PMPCA: variants seen among roughly 807,000 people sequenced by gnomAD.
PMPCA encodes the protein peptidase, mitochondrial processing subunit alpha, also known as mitochondrial-processing peptidase subunit alpha.
A neutral mutation model predicts 59.3 loss-of-function variants in PMPCA; 47 were observed. That is an observed-to-expected ratio of 0.79 (90% confidence interval 0.63 to 1.01). The LOEUF (loss-of-function observed/expected upper bound fraction) is 1.01, where lower values mean the gene tolerates loss of function less well. Ranked by LOEUF, PMPCA falls within the 50% of genes least tolerant of loss-of-function variation. PMPCA has a pLI of 0.00. For synonymous variants in PMPCA, 338 were observed against 290.3 expected (o/e 1.16, Z -1.67); for missense variants, 726 against 704.5 (o/e 1.03, Z -0.34).
At position 136,423,156 on chromosome 9, in the gene PMPCA, A is replaced by G. The variant is rs750869354; in HGVS notation, c.1470A>G (p.Ala490=). The G allele has an allele frequency of 1.2e-6, 2 of 1,613,818 alleles. No individual in the cohort carries two copies. Among genetic ancestry groups the G allele is most frequent in the East Asian group, 2.2e-5 (1 of 44,888 alleles). The change falls in exon 13 of 13, where the codon GCA becomes GCG. Residue 490 remains alanine, a synonymous_variant. Coordinates refer to ENST00000371717, the MANE Select transcript of PMPCA (RefSeq NM_015160.3). ...VASKMLRGKP[A]VAALGDLTDL... is the part of the protein sequence containing the mutation. ...CTAAGATGCTCCGAGGGAAGCCGGC[A>G]GTGGCCGCCCTGGGTGACCTGACTG...
At chr9:136,416,056 C>T (rs557495201) in intron 5 of PMPCA, 25 of 582,578 alleles carry the variant, frequency 4.3e-5, no homozygotes, top group African/African-American at 7.5e-5. Context: ...AGCAGGCTCA[C>T]GTGGCTGCTT....
At chr9:136,418,158 G>A in intron 8 of PMPCA, 49 bp downstream of exon 8, 2 of 1,338,132 alleles carry the variant, frequency 1.5e-6, no homozygotes, top group South Asian at 1.2e-5. Flanking sequence ...AGTGTGGCCG[G>A]CTCAGCCAGC....
At position 136,410,665 on chromosome 9, in the gene PMPCA, C is replaced by CA; in HGVS notation, c.-2dup. ...TGACGACTGAAGCGGGGCGGAGACG[C>CA]AAGATGGCGGCTGTGGTGCTGGCGG... On this transcript the variant is annotated 5_prime_UTR_variant, in exon 1 of 13. Transcript: ENST00000371717. 3 of 1,402,284 alleles carry CA rather than the reference C, an allele frequency of 2.1e-6. No homozygotes were observed. Among genetic ancestry groups the CA allele is most frequent in the Non-Finnish European group, 2.8e-6 (3 of 1,078,798 alleles). The allele number at this position is 1,402,284 out of a possible 1,614,324, so 86.9% of individuals were successfully genotyped here.
chr9:136,418,889 T>C lies in PMPCA; in HGVS notation c.1171T>C (p.Cys391Arg). Residue 391 changes from cysteine to arginine, a missense_variant, in exon 10 of 13, where the codon TGC (cysteine) becomes CGC (arginine). Coordinates refer to ENST00000371717, the MANE Select transcript of PMPCA (RefSeq NM_015160.3). Reference sequence around the variant, plus strand: ...CAGCTACGAGGACACTGGCCTCCTTTGCATCCATGCCAGCGCCGACCCAAG... The same window carrying C: ...CAGCTACGAGGACACTGGCCTCCTTCGCATCCATGCCAGCGCCGACCCAAG... ...HHSYEDTGLL[C>R]IHASADPRQV... is the part of the protein sequence containing the mutation. The C allele has an allele frequency of 1.2e-6, 2 of 1,613,816 alleles. No homozygotes were observed. The highest frequency in any genetic ancestry group is 1.1e-5 in the South Asian group (1 of 91,086).
intron 12 of PMPCA, chr9:136,422,427 C>G (rs1285736944): frequency 5.5e-6 from 6 of 1,082,006 alleles, no homozygotes; most frequent in Non-Finnish European, 6.8e-6. Flanking sequence ...TCTGAATTTC[C>G]TGAAACTGCC....
In PMPCA at chr9:136,416,606, C is replaced by T. The variant is rs1221375761; in HGVS notation, c.633+215C>T. 9.6e-6 allele frequency: 6 copies of T among 627,512 alleles called. No individual in the cohort carries two copies. In the East Asian group the frequency reaches 1.4e-4, roughly 14 times the overall value. 38.9% of individuals were successfully genotyped at this position (627,512 alleles called of 1,614,324 possible). On this transcript the variant is annotated intron_variant, in intron 6 of 12. Coordinates refer to ENST00000371717, the MANE Select transcript of PMPCA (RefSeq NM_015160.3). The stretch of plus-strand genomic sequence containing the variant: ...AGGTGATCCTCCTGCCTCTGCCTCC[C>T]AAGTAGCTGGGATTACAGGCGTGAG...
rs1291006624 is a variant in PMPCA, at chr9:136,420,343, A to AT, written c.1263+1242dup. 4 of 151,624 alleles carry AT rather than the reference A, an allele frequency of 2.6e-5. No homozygotes were observed. In the East Asian group the frequency reaches 5.8e-4, roughly 22 times the overall value. 9.4% of individuals were successfully genotyped at this position (151,624 alleles called of 1,614,324 possible). ...CCACCACACCTGGCTAATTTTTTGT[A>AT]TTTTTAGTAGAGATGGGGTTTCACC... is the stretch of plus-strand genomic sequence containing the variant. On this transcript the variant is annotated intron_variant, in intron 11 of 12. Transcript: ENST00000371717.
chr9:136,419,481 G>C (rs1254481959), intron 11 of PMPCA: 2 of 381,298 alleles, frequency 5.2e-6, no homozygotes, highest in Non-Finnish European at 9.9e-6. Flanking sequence ...GCCTCTGTGA[G>C]GTGACTGGGG....
Position 136,412,183 on chromosome 9 carries a change from G to C in PMPCA, c.258G>C (p.Gln86His), listed in dbSNP as rs141305380. 44 of 1,612,652 alleles carry C rather than the reference G, an allele frequency of 2.7e-5. No homozygotes were observed. The highest frequency in any genetic ancestry group is 5.3e-5 in the African/African-American group (4 of 74,906). Residue 86 changes from glutamine to histidine, a missense_variant, in exon 2 of 13, where the codon CAG becomes CAC. Transcript: ENST00000371717. Reference sequence around the variant, plus strand: ...TGGCATCTCAGAATAAGTTTGGACAGTTTTGTACAGTAGGAAGTAAGTACT... The same window carrying C: ...TGGCATCTCAGAATAAGTTTGGACACTTTTGTACAGTAGGAAGTAAGTACT... ...LRVASQNKFG[Q>H]FCTVGILINS...
At chr9:136,422,451 A>C in intron 12 of PMPCA, 1 of 1,079,408 alleles carries the variant, frequency 9.3e-7, no homozygotes, top group Non-Finnish European at 1.1e-6. Context: ...TTGTATGTGC[A>C]TCGGACTCTT....
At chr9:136,422,555 T>C in intron 12 of PMPCA, 1 of 1,015,858 alleles carries the variant, frequency 9.8e-7, no homozygotes, top group Non-Finnish European at 1.2e-6. Flanking sequence ...TTTCCAGGCC[T>C]GGAGTCCCGG....
chr9:136,421,154 G>T (rs1835436961), intron 11 of PMPCA, among the ~76,000 whole-genome samples: 1 of 152,224 alleles, frequency 6.6e-6, no homozygotes. Flanking sequence ...GTCTGGGGAA[G>T]CCCCAGAACC....
In PMPCA at chr9:136,414,591, G is replaced by A; in HGVS notation, c.476G>A (p.Gly159Asp). 6.2e-7 allele frequency: 1 copy of A among 1,613,742 alleles called. No individual in the cohort carries two copies. The highest frequency in any genetic ancestry group is 1.7e-5 in the Admixed American group (1 of 60,020). ...TMYAVSADSK[G>D]LDTVVALLAD... is the part of the protein sequence containing the mutation. ...TATGCTGTGTCTGCTGATAGCAAAG[G>A]CTTGGACACGGTGGTTGCCTTACTG... Residue 159 changes from glycine (G) to aspartate (D), a missense_variant, in exon 5 of 13, where the codon GGC becomes GAC. Transcript: ENST00000371717.
chr9:136,417,898 C>G, intron 7 of PMPCA, 119 bp from the exon 8 acceptor site: 5 of 771,428 alleles, frequency 6.5e-6, no homozygotes, highest in Non-Finnish European at 1.1e-5. Flanking sequence ...TAGGCATGAG[C>G]CACTGTGCCT....
At chr9:136,416,609 G>A (rs905065446) in intron 6 of PMPCA, 13 of 624,728 alleles carry the variant, frequency 2.1e-5, no homozygotes, top group Admixed American at 7.3e-5. Flanking sequence ...TGCCTCCCAA[G>A]TAGCTGGGAT....
At chr9:136,421,758 T>C in intron 11 of PMPCA, 74 bp from the exon 12 acceptor site, 1 of 1,387,384 alleles carries the variant, frequency 7.2e-7, no homozygotes, top group Non-Finnish European at 9.9e-7. Context: ...GATGGCGTTT[T>C]GCCATTGCTC....
At position 136,414,539 on chromosome 9, in the gene PMPCA, G is replaced by A. The variant is rs775568077; in HGVS notation, c.438-14G>A. The A allele has an allele frequency of 1.3e-6, 2 of 1,575,396 alleles. No homozygotes were observed. Among genetic ancestry groups the A allele is most frequent in the Admixed American group, 1.7e-5 (1 of 59,952 alleles). On this transcript the variant is annotated splice_polypyrimidine_tract_variant and intron_variant, in intron 4 of 12. Coordinates refer to ENST00000371717, the MANE Select transcript of PMPCA (RefSeq NM_015160.3). ...GTTCAGGGCCTGGCATTATGGGCTT[G>A]TGTTTTCTTCCAGAGACACCACCAT...
chr9:136,418,742 C>A, intron 9 of PMPCA, 69 bp downstream of exon 9: 2 of 1,489,550 alleles, frequency 1.3e-6, no homozygotes, highest in Non-Finnish European at 9.4e-7. Context: ...GACCATGAGG[C>A]CACCTTCCAG....
chr9:136,419,337 A>G, intron 11 of PMPCA: 1 of 605,488 alleles, frequency 1.7e-6, no homozygotes, highest in East Asian at 2.8e-5. Flanking sequence ...ACAGAAAAAC[A>G]GACCACCGCC....
Sources: allele counts gnomAD v4.1 joint callset (sites outside exome capture counted in the v4.1 genomes callset), GRCh38; gene constraint gnomAD v4.1.1; transcripts MANE v1.5; gene names NCBI Gene and HGNC (gene_info 2026-07-23, HGNC 2026-07-21).